Variants in NEGR1 observed in about 807,000 individuals in gnomAD.
The protein encoded by NEGR1 is neuronal growth regulator 1, also known as IgLON family member 4.
NEGR1 carries 10 observed loss-of-function variants against 40.9 expected under a neutral mutation model. The observed-to-expected ratio is 0.24, with a 90% confidence interval of 0.15 to 0.42. The LOEUF (loss-of-function observed/expected upper bound fraction) is 0.42. NEGR1 is among the 10% of genes least tolerant of loss of function. NEGR1 has a pLI of 1.00. For synonymous variants in NEGR1, 185 were observed against 166.8 expected, an observed-to-expected ratio of 1.11 and a Z score of -0.84; for missense variants, 352 against 438.9, an observed-to-expected ratio of 0.80 and a Z score of 1.77.
At chr1:71,866,595 A>T (rs766674388) in intron 2 of NEGR1, among the ~76,000 whole-genome samples, 9 of 152,118 alleles carry the variant, frequency 5.9e-5, no homozygotes, top group Non-Finnish European at 1.0e-4. Flanking sequence ...TTCAGCAAAA[A>T]TTTTTCCCAA....
At chr1:71,728,392 G>C (rs1454135320) in intron 3 of NEGR1, among the ~76,000 whole-genome samples, 1 of 152,082 alleles carries the variant, frequency 6.6e-6, no homozygotes, top group African/African-American at 2.4e-5. Flanking sequence ...CCTTGCTACT[G>C]AGAAAACTAC....
Position 71,776,164 on chromosome 1 carries a change from T to TA in NEGR1, c.535+7dup, listed in dbSNP as rs750696159. Reference sequence around the variant, plus strand: ...AGCACAAACAACACTAATGCATTCCTACTTTACCTGATGGGGAGATGTGTC... The same window carrying TA: ...AGCACAAACAACACTAATGCATTCCTAACTTTACCTGATGGGGAGATGTGTC... On this transcript the variant is annotated splice_region_variant and intron_variant, in intron 3 of 6. Transcript: ENST00000357731. 1.2e-6 allele frequency: 2 copies of TA among 1,607,450 alleles called. No individual in the cohort carries two copies. The highest frequency in any genetic ancestry group is 1.7e-6 in the Non-Finnish European group (2 of 1,176,202).
At chr1:71,904,103 T>C (rs1336427988) in intron 2 of NEGR1, among the ~76,000 whole-genome samples, 2 of 151,956 alleles carry the variant, frequency 1.3e-5, no homozygotes, top group African/African-American at 4.8e-5. Flanking sequence ...CAAAATGAAA[T>C]TCAGTGTGAA....
intron 1 of NEGR1, among the ~76,000 whole-genome samples, chr1:72,101,755 A>G (rs1217859475): frequency 6.6e-6 from 1 of 152,122 alleles, no homozygotes; most frequent in African/African-American, 2.4e-5. Context: ...AAGAACTGGC[A>G]CTGCTTACTC....
At chr1:71,606,449 C>T (rs1182837209) in intron 5 of NEGR1, among the ~76,000 whole-genome samples, 1 of 152,206 alleles carries the variant, frequency 6.6e-6, no homozygotes, top group Non-Finnish European at 1.5e-5. Flanking sequence ...TCCTGGATTC[C>T]TGACCCACAG....
At chr1:71,851,374 AGCACT>A (rs1194852700) in intron 2 of NEGR1, among the ~76,000 whole-genome samples, 1 of 152,160 alleles carries the variant, frequency 6.6e-6, no homozygotes, top group Non-Finnish European at 1.5e-5. Flanking sequence ...AAGAGTTTTG[AGCACT>A]GCCAGCAAGA....
intron 5 of NEGR1, among the ~76,000 whole-genome samples, chr1:71,604,992 C>A (rs2101535971): frequency 6.6e-6 from 1 of 152,138 alleles, no homozygotes; most frequent in East Asian, 1.9e-4. Flanking sequence ...ATTTTAATGT[C>A]TTTTTCATTC....
At chr1:71,663,201 C>A (rs1245225949) in intron 4 of NEGR1, among the ~76,000 whole-genome samples, 1 of 152,110 alleles carries the variant, frequency 6.6e-6, no homozygotes, top group Non-Finnish European at 1.5e-5. Flanking sequence ...TCGTGAGCTG[C>A]CTGCCTCGGC....
At chr1:71,724,589 T>C (rs527289923) in intron 3 of NEGR1, among the ~76,000 whole-genome samples, 80 of 152,294 alleles carry the variant, frequency 5.3e-4, no homozygotes, top group African/African-American at 1.9e-3. Flanking sequence ...CTTATGAATA[T>C]TCTTGAGCTT....
Position 72,135,787 on chromosome 1 carries a change from C to G in NEGR1, c.176+146532G>C, listed in dbSNP as rs182984082. Reference sequence around the variant, plus strand: ...CAACTAACCAAGGAAGAGAAAATAACTATCTGAACAAAATTAAAAAGCTTA... The same window carrying G: ...CAACTAACCAAGGAAGAGAAAATAAGTATCTGAACAAAATTAAAAAGCTTA... On this transcript the variant is annotated intron_variant, in intron 1 of 6. Coordinates refer to ENST00000357731, the MANE Select transcript of NEGR1 (RefSeq NM_173808.3). Among the ~76,000 whole-genome samples, 9 of 152,320 alleles carry G rather than the reference C, an allele frequency of 5.9e-5. No individual in the cohort carries two copies. The East Asian group carries it at 1.3e-3, about 23-fold the overall frequency.
chr1:71,609,244 G>A (rs558668005), intron 5 of NEGR1, among the ~76,000 whole-genome samples: 14 of 151,810 alleles, frequency 9.2e-5, no homozygotes, highest in African/African-American at 2.2e-4. Context: ...GGCCGGGCGC[G>A]GTGGCTCACG....
intron 1 of NEGR1, among the ~76,000 whole-genome samples, chr1:72,030,997 T>A (rs114083990): frequency 1.5e-3 from 222 of 152,328 alleles, no homozygotes; most frequent in African/African-American, 5.0e-3. Context: ...TTACATGTTG[T>A]GTTTCCTTTG....
intron 3 of NEGR1, among the ~76,000 whole-genome samples, chr1:71,712,030 G>C (rs1654112210): frequency 6.6e-6 from 1 of 152,124 alleles, no homozygotes; most frequent in Admixed American, 6.5e-5. Flanking sequence ...GGGGAGGCTG[G>C]TTTAGTATTG....
chr1:71,976,800 G>C (rs937547973), intron 1 of NEGR1, among the ~76,000 whole-genome samples: 2 of 151,948 alleles, frequency 1.3e-5, no homozygotes, highest in African/African-American at 4.8e-5. Flanking sequence ...GATATGTTTT[G>C]AGTGAAATGT....
chr1:72,262,669 TATC>T (rs545879254), intron 1 of NEGR1, among the ~76,000 whole-genome samples: 306 of 152,050 alleles, frequency 2.0e-3, no homozygotes, highest in African/African-American at 6.8e-3. Context: ...AATATCAAAT[TATC>T]ATTTAAATGT....
chr1:71,991,917 G>A (rs867412479), intron 1 of NEGR1, among the ~76,000 whole-genome samples: 4 of 151,966 alleles, frequency 2.6e-5, no homozygotes, highest in African/African-American at 7.3e-5. Flanking sequence ...TCAGCCTCCC[G>A]AATAGCTGGG....
intron 6 of NEGR1, among the ~76,000 whole-genome samples, chr1:71,443,474 G>T (rs1428871216): frequency 6.6e-6 from 1 of 152,078 alleles, no homozygotes; most frequent in African/African-American, 2.4e-5. Flanking sequence ...TCAGTGAAAG[G>T]GTTGCTGAGG....
intron 2 of NEGR1, among the ~76,000 whole-genome samples, chr1:71,901,607 A>T (rs989651699): frequency 3.3e-5 from 5 of 151,974 alleles, no homozygotes; most frequent in Non-Finnish European, 7.4e-5. Flanking sequence ...CCACAATGTG[A>T]CATTGTGATA....
rs149533321 is a variant in NEGR1 at position 71,764,911 on chromosome 1, C to T, written c.535+11261G>A. On this transcript the variant is annotated intron_variant, in intron 3 of 6. Coordinates refer to ENST00000357731, the MANE Select transcript of NEGR1 (RefSeq NM_173808.3). ...TTTTCTACACAACAACAAACCATTT[C>T]GCAATCGGATTGTGATGTGCGATGA... 3.4e-3 allele frequency among the ~76,000 whole-genome samples: 518 copies of T among 152,202 alleles called. 16 individuals carry two copies. In the South Asian group the frequency reaches 0.068, roughly 20 times the overall value.
Sources: allele counts gnomAD v4.1 joint callset (sites outside exome capture counted in the v4.1 genomes callset), GRCh38; gene constraint gnomAD v4.1.1; transcripts MANE v1.5; gene names NCBI Gene and HGNC (gene_info 2026-07-23, HGNC 2026-07-21).